The following MACF1 variants were observed in gnomAD, a reference collection of about 807,000 sequenced individuals.
The protein encoded by MACF1 is microtubule-actin cross-linking factor 1.
A neutral mutation model predicts 854.8 loss-of-function variants in MACF1; 193 were observed. The observed-to-expected ratio is 0.23, with a 90% confidence interval of 0.20 to 0.25. MACF1 has a LOEUF of 0.25. Ranked by LOEUF, MACF1 falls within the 10% of genes least tolerant of loss-of-function variation. The probability of loss-of-function intolerance (pLI) is 1.00; values close to 1 mark genes in which losing one functional copy is unlikely to be tolerated. For missense variants in MACF1, 7,722 were observed against 8,929.1 expected (o/e 0.86, Z 5.45); for synonymous variants, 3,185 against 3,226.7 (o/e 0.99, Z 0.44).
chr1:39,233,719 AAAGGC>A (rs1430548357), intron 2 of MACF1, among the ~76,000 whole-genome samples: 5 of 150,548 alleles, frequency 3.3e-5, no homozygotes, highest in Non-Finnish European at 4.4e-5. Context: ...TGCCTAAGCC[AAAGGC>A]AAGTGTCATG....
intron 2 of MACF1, among the ~76,000 whole-genome samples, chr1:39,189,441 A>G (rs1259521467): frequency 6.6e-6 from 1 of 152,198 alleles, no homozygotes; most frequent in African/African-American, 2.4e-5. Flanking sequence ...TGCTTATTAA[A>G]TTTGTGATGG....
Position 39,385,596 on chromosome 1 carries a change from C to T in MACF1, c.14011C>T (p.Leu4671Phe). 6.2e-7 allele frequency: 1 copy of T among 1,614,152 alleles called. No individual in the cohort carries two copies. Among genetic ancestry groups the T allele is most frequent in the Non-Finnish European group, 8.5e-7 (1 of 1,180,038 alleles). Reference sequence around the variant, plus strand: ...GAAATGGGTTGAGCTGACTGACAAACTCAACTCCCGTTCCAGCCAAATTGA... The same window carrying T: ...GAAATGGGTTGAGCTGACTGACAAATTCAACTCCCGTTCCAGCCAAATTGA... Reference protein sequence around the residue: ...NQKWVELTDKLNSRSSQIDQA... With the variant: ...NQKWVELTDKFNSRSSQIDQA... The change falls in exon 57 of 101, where the codon CTC (leucine) becomes TTC (phenylalanine). Residue 4671 changes from leucine to phenylalanine, a missense_variant. Leu to Phe is a conservative substitution (Grantham distance 22). Transcript: ENST00000564288.
At chr1:39,341,845 T>C (rs1425678112) in intron 40 of MACF1, among the ~76,000 whole-genome samples, 2 of 151,476 alleles carry the variant, frequency 1.3e-5, no homozygotes, top group South Asian at 4.2e-4. Flanking sequence ...CCGTCCTTTG[T>C]TTCTTTTTTG....
intron 6 of MACF1, among the ~76,000 whole-genome samples, chr1:39,263,789 T>TTTC (rs1645196196): frequency 6.9e-6 from 1 of 145,622 alleles, no homozygotes; most frequent in African/African-American, 2.5e-5. Context: ...TTTTTTTTTT[T>TTTC]TTGAGACGGA....
At chr1:39,224,056 A>G (rs1032646954) in intron 1 of MACF1, among the ~76,000 whole-genome samples, 1 of 152,206 alleles carries the variant, frequency 6.6e-6, no homozygotes, top group Non-Finnish European at 1.5e-5. Context: ...TGAGCTAAAG[A>G]TACAGATTTG....
At chr1:39,372,456 T>G in intron 51 of MACF1, 23 bp from the exon 52 acceptor site, 1 of 1,405,528 alleles carries the variant, frequency 7.1e-7, no homozygotes, top group Non-Finnish European at 1.0e-6. Flanking sequence ...ATACTACATT[T>G]GGCCATTTTC....
Position 39,296,845 on chromosome 1 carries a change from A to AGG in MACF1, c.2356-775_2356-774insGG, listed in dbSNP as rs1404563462. The stretch of plus-strand genomic sequence containing the variant: ...AAGGAAGGAAGGAAGGAAGGAAGGA[A>AGG]AAGAAAGAAAGAGAGAAAGAATGTA... On this transcript the variant is annotated intron_variant, in intron 20 of 100. Transcript: ENST00000564288. 4.5e-3 allele frequency among the ~76,000 whole-genome samples: 643 copies of AGG among 142,004 alleles called. 9 individuals are homozygous for AGG. The highest frequency in any genetic ancestry group is 0.011 in the Middle Eastern group (3 of 276). The allele number at this position is 142,004 out of a possible 152,430, so 93.2% of individuals were successfully genotyped here.
At chr1:39,145,017 C>G (rs1353354535) in intron 2 of MACF1, among the ~76,000 whole-genome samples, 1 of 152,110 alleles carries the variant, frequency 6.6e-6, no homozygotes. Flanking sequence ...CTCGTACTGG[C>G]ATTCTCAGAT....
intron 70 of MACF1, among the ~76,000 whole-genome samples, chr1:39,437,187 A>C (rs1048167247): frequency 2.0e-5 from 3 of 151,802 alleles, no homozygotes; most frequent in African/African-American, 7.3e-5. Flanking sequence ...GGCAGCACTA[A>C]AGATTTGAAT....
rs1355243058 is a variant in MACF1, at chr1:39,332,659, A to G, written c.6071A>G (p.Asn2024Ser). 2.5e-6 allele frequency: 4 copies of G among 1,614,056 alleles called. No homozygotes were observed. The African/African-American group carries it at 4.0e-5, about 16-fold the overall frequency. Reference protein sequence around the residue: ...KTPEGLQESANVKISGTFSSG... With the variant: ...KTPEGLQESASVKISGTFSSG... ...CCTGAGGGATTGCAAGAATCAGCTA[A>G]TGTGAAAATCTCAGGAACTTTCAGC... Residue 2024 changes from asparagine (N) to serine (S), a missense_variant, in exon 37 of 101, where the codon AAT becomes AGT. Physicochemically the swap from Asn to Ser is conservative, Grantham distance 46. Transcript: ENST00000564288.
chr1:39,158,856 G>T (rs910501539), intron 2 of MACF1, among the ~76,000 whole-genome samples: 2 of 152,166 alleles, frequency 1.3e-5, no homozygotes, highest in Non-Finnish European at 2.9e-5. Flanking sequence ...CAGTTCTTGG[G>T]GGCTAGTAGA....
rs199814209 is a variant in MACF1 at position 39,380,320 on chromosome 1, C to T, written c.13595C>T (p.Thr4532Ile). ...GAAGCCCTGGCTGGATTACTGGTGA[C>T]ATATCCCAACTCACAGGAAGCAGAA... ...VKEALAGLLVTYPNSQEAENW... is the reference protein window; with the variant it reads ...VKEALAGLLVIYPNSQEAENW... Residue 4532 changes from threonine to isoleucine, a missense_variant, in exon 55 of 101, where the codon ACA (threonine) becomes ATA (isoleucine). Around this residue, in one of 15 missense-constraint regions of MACF1, gnomAD observed 2,807 missense variants for 3,235.8 expected, o/e 0.87. Coordinates refer to ENST00000564288, the MANE Select transcript of MACF1 (RefSeq NM_001394062.1). 3 of 1,613,658 alleles carry T rather than the reference C, an allele frequency of 1.9e-6. No homozygotes were observed. The highest frequency in any genetic ancestry group is 2.2e-5 in the East Asian group (1 of 44,830).
intron 2 of MACF1, among the ~76,000 whole-genome samples, chr1:39,089,263 G>T (rs1641747504): frequency 6.6e-6 from 1 of 152,148 alleles, no homozygotes; most frequent in South Asian, 2.1e-4. Flanking sequence ...GTGAAAAAGG[G>T]GAGTGCAGTG....
rs758027208 is a variant in MACF1, at chr1:39,318,516, C to T, written c.3846C>T (p.Leu1282=). 6.2e-7 allele frequency: 1 copy of T among 1,614,090 alleles called. No individual in the cohort carries two copies. The highest frequency in any genetic ancestry group is 8.5e-7 in the Non-Finnish European group (1 of 1,179,988). The change falls in exon 30 of 101, where the codon CTC becomes CTT. Residue 1282 remains leucine, a synonymous_variant. Coordinates refer to ENST00000564288, the MANE Select transcript of MACF1 (RefSeq NM_001394062.1). ...LGDYRACHGT[L]IKWIEETTAQ... ...ATTACCGAGCCTGCCATGGAACTCTCATCAAGTGGATTGAGGAAACCACTG... is the reference window on the plus strand; with the variant it reads ...ATTACCGAGCCTGCCATGGAACTCTTATCAAGTGGATTGAGGAAACCACTG...
Position 39,437,935 on chromosome 1 carries a change from T to C in MACF1, c.18147T>C (p.Phe6049=). ...AGCTAGAAAAACTGCAGCCATCCTT[T>C]GAGGCCTTGAAGCGCCGTGGAGAGG... ...TVELEKLQPS[F]EALKRRGEEL... The change falls in exon 71 of 101, where the codon TTT becomes TTC. Residue 6049 remains phenylalanine, a synonymous_variant. Transcript: ENST00000564288. The C allele has an allele frequency of 6.2e-7, 1 of 1,614,156 alleles. No individual in the cohort carries two copies. Among genetic ancestry groups the C allele is most frequent in the South Asian group, 1.1e-5 (1 of 91,078 alleles).
At chr1:39,308,657 C>CTT (rs1206531148) in intron 23 of MACF1, among the ~76,000 whole-genome samples, 4 of 145,416 alleles carry the variant, frequency 2.8e-5, no homozygotes, top group African/African-American at 1.0e-4. Flanking sequence ...CTTCAGTTTT[C>CTT]TTTTTTTTTT....
intron 48 of MACF1, 51 bp downstream of exon 48, chr1:39,361,052 C>T (rs571293791): frequency 6.9e-7 from 1 of 1,458,928 alleles, no homozygotes; most frequent in South Asian, 1.2e-5. Context: ...TGCTATGTGC[C>T]ATCATTACAT....
At chr1:39,476,452 T>C (rs1299837006) in intron 97 of MACF1, among the ~76,000 whole-genome samples, 1 of 151,886 alleles carries the variant, frequency 6.6e-6, no homozygotes, top group Non-Finnish European at 1.5e-5. Flanking sequence ...GCGCCTGCAG[T>C]CCCAGCTACC....
At chr1:39,207,768 G>A (rs553792607) in intron 1 of MACF1, among the ~76,000 whole-genome samples, 3 of 151,906 alleles carry the variant, frequency 2.0e-5, no homozygotes, top group Admixed American at 1.3e-4. Context: ...TCTTGTCTAC[G>A]GCCATACCAC....
Sources: gnomAD v4.1 joint callset for allele counts (sites outside exome capture counted in the v4.1 genomes callset) on GRCh38, gnomAD v4.1.1 for gene constraint, gnomAD v4.1.1 regional missense constraint, MANE v1.5 for transcripts, NCBI Gene and HGNC (gene_info 2026-07-23, HGNC 2026-07-21) for gene names.